MAST2: variants seen among roughly 807,000 people sequenced by gnomAD.
The protein encoded by MAST2 is microtubule-associated serine/threonine-protein kinase 2.
In MAST2, 70 loss-of-function variants were observed where a neutral mutation model predicts 147.4. That is an observed-to-expected ratio of 0.47 (90% CI 0.39 to 0.58). The LOEUF is 0.58. MAST2 is among the 20% of genes least tolerant of loss of function. MAST2 has a pLI of 0.00. For synonymous variants in MAST2, 869 were observed against 896.8 expected, an observed-to-expected ratio of 0.97 and a Z score of 0.55; for missense variants, 2,080 against 2,302.3, an observed-to-expected ratio of 0.90 and a Z score of 1.98.
At chr1:46,005,085 G>T (rs1021278809) in intron 7 of MAST2, among the ~76,000 whole-genome samples, 1 of 152,166 alleles carries the variant, frequency 6.6e-6, no homozygotes, top group Non-Finnish European at 1.5e-5. Context: ...CAAACAGGCT[G>T]GGCGCGGTGG....
chr1:45,915,317 T>C, intron 4 of MAST2, among the ~76,000 whole-genome samples: 1 of 152,194 alleles, frequency 6.6e-6, no homozygotes, highest in East Asian at 1.9e-4. Context: ...AGCTAATAAG[T>C]AGTTTGTATA....
intron 3 of MAST2, among the ~76,000 whole-genome samples, chr1:45,839,419 C>T (rs1270469155): frequency 1.3e-5 from 2 of 152,122 alleles, no homozygotes; most frequent in Non-Finnish European, 1.5e-5. Flanking sequence ...TGAGCCACCA[C>T]GCCCAGCAAC....
chr1:45,922,583 C>T (rs558812048), intron 4 of MAST2, among the ~76,000 whole-genome samples: 105 of 152,176 alleles, frequency 6.9e-4, no homozygotes, highest in African/African-American at 2.3e-3. Flanking sequence ...AACTTTGCTC[C>T]GAGGTTGGAG....
At chr1:45,830,885 A>G (rs887113023) in intron 3 of MAST2, among the ~76,000 whole-genome samples, 3 of 151,834 alleles carry the variant, frequency 2.0e-5, no homozygotes, top group Non-Finnish European at 4.4e-5. Flanking sequence ...ATAAAAAAAA[A>G]ATTAGCCGAG....
intron 5 of MAST2, among the ~76,000 whole-genome samples, chr1:45,965,292 C>T (rs1015037831): frequency 9.2e-5 from 14 of 152,218 alleles, no homozygotes; most frequent in East Asian, 3.9e-4. Context: ...TTCTGTCTCG[C>T]TGATCTGTCT....
At chr1:46,013,045 T>A (rs1341435060) in intron 10 of MAST2, among the ~76,000 whole-genome samples, 1 of 151,948 alleles carries the variant, frequency 6.6e-6, no homozygotes. Context: ...GTGGGTATCA[T>A]CCAATGTGAC....
chr1:45,933,086 A>AAG (rs1655585180), intron 4 of MAST2, among the ~76,000 whole-genome samples: 1 of 144,574 alleles, frequency 6.9e-6, no homozygotes, highest in Non-Finnish European at 1.5e-5. Flanking sequence ...AAAAAAAAAA[A>AAG]AAGGCCAAGT....
intron 4 of MAST2, among the ~76,000 whole-genome samples, chr1:45,950,848 G>A (rs953196107): frequency 2.0e-5 from 3 of 152,190 alleles, no homozygotes; most frequent in African/African-American, 7.2e-5. Context: ...TTGGATGGCT[G>A]AGGCGAGTGG....
intron 4 of MAST2, among the ~76,000 whole-genome samples, chr1:45,953,890 C>T (rs534793231): frequency 3.9e-5 from 6 of 152,068 alleles, no homozygotes; most frequent in South Asian, 2.1e-4. Context: ...ATAATGGATA[C>T]GTAATAATAT....
In MAST2 at chr1:46,035,321, A is replaced by C. The variant is rs1052610; in HGVS notation, c.4652A>C (p.Asp1551Ala). The change falls in exon 29 of 29, where the codon GAC (aspartate) becomes GCC (alanine). Residue 1551 changes from aspartate to alanine, a missense_variant. Asp to Ala is a moderately radical substitution (Grantham distance 126). This residue lies in a region of MAST2 where 1,278 missense variants were observed against 1,304.2 expected (regional missense o/e 0.98). Transcript: ENST00000361297. This position sits in a 1 kb window ranked among gnomAD's most constrained non-coding sequence, Gnocchi z 5.5. ...GAAGAGGATCCTTTCCCGTCCAGAGACCCTAGGAGCCTGGGCCCAATGGTC... is the reference window on the plus strand; with the variant it reads ...GAAGAGGATCCTTTCCCGTCCAGAGCCCCTAGGAGCCTGGGCCCAATGGTC... ...SGEEDPFPSR[D>A]PRSLGPMVPS... The C allele has an allele frequency of 6.2e-7, 1 of 1,613,460 alleles. No homozygotes were observed. Among genetic ancestry groups the C allele is most frequent in the Non-Finnish European group, 8.5e-7 (1 of 1,179,796 alleles).
At position 46,036,102 on chromosome 1, in the gene MAST2, A is replaced by G. The variant is rs369531716; in HGVS notation, c.*36A>G. ...CCATTTCTTGCACTCAGACCTGTGT[A>G]ATATATGCTCCTGGAAACCATCTTT... On this transcript the variant is annotated 3_prime_UTR_variant, in exon 29 of 29. Coordinates refer to ENST00000361297, the MANE Select transcript of MAST2 (RefSeq NM_015112.3). The G allele has an allele frequency of 2.1e-5, 32 of 1,537,970 alleles. No homozygotes were observed. Among genetic ancestry groups the G allele is most frequent in the Non-Finnish European group, 2.7e-5 (31 of 1,139,860 alleles).
chr1:46,027,842 C>G lies in MAST2; in HGVS notation c.2031C>G (p.Ala677=), dbSNP rs755440790. 6.2e-7 allele frequency: 1 copy of G among 1,614,000 alleles called. No homozygotes were observed. The highest frequency in any genetic ancestry group is 8.5e-7 in the Non-Finnish European group (1 of 1,179,978). The change falls in exon 17 of 29, where the codon GCC becomes GCG. Residue 677 remains alanine, a synonymous_variant. Transcript: ENST00000361297. The stretch of plus-strand genomic sequence containing the variant: ...ATGAGGGTCATATTGAAAAGGATGC[C>G]CGGGAATTCCTGGACAAGCAGGTAA... ...NLYEGHIEKD[A]REFLDKQVCG...
chr1:45,964,806 A>T (rs1168991839), intron 5 of MAST2, among the ~76,000 whole-genome samples: 1 of 151,676 alleles, frequency 6.6e-6, no homozygotes, highest in Non-Finnish European at 1.5e-5. Context: ...TTTAATTGTG[A>T]TGTTAGGGTG....
intron 22 of MAST2, 75 bp from the exon 23 acceptor site, chr1:46,030,930 CTT>C: frequency 6.5e-7 from 1 of 1,538,776 alleles, no homozygotes; most frequent in South Asian, 1.2e-5. Flanking sequence ...TACTATAACC[CTT>C]GTGTGCCCCT....
intron 4 of MAST2, among the ~76,000 whole-genome samples, chr1:45,928,591 T>C (rs1202096729): frequency 6.6e-6 from 1 of 151,898 alleles, no homozygotes; most frequent in Non-Finnish European, 1.5e-5. Context: ...CTTTTCTTTT[T>C]TTCCTTTTGA....
chr1:45,901,843 T>C (rs1270925892), intron 4 of MAST2, among the ~76,000 whole-genome samples: 4 of 152,260 alleles, frequency 2.6e-5, no homozygotes, highest in African/African-American at 4.8e-5. Context: ...CCTGAAACTT[T>C]ACTAAAATTG....
intron 1 of MAST2, among the ~76,000 whole-genome samples, chr1:45,804,477 T>G (rs1458968327): frequency 6.6e-6 from 1 of 152,164 alleles, no homozygotes; most frequent in African/African-American, 2.4e-5. Context: ...GTCCTTAAAA[T>G]TGTAAAAACG....
At chr1:45,878,215 A>AG (rs1314849155) in intron 3 of MAST2, among the ~76,000 whole-genome samples, 1 of 152,034 alleles carries the variant, frequency 6.6e-6, no homozygotes, top group African/African-American at 2.4e-5. Flanking sequence ...AAAAAAAAAA[A>AG]AAAAAAAAGT....
At chr1:45,806,359 G>A (rs910327304) in intron 1 of MAST2, among the ~76,000 whole-genome samples, 1 of 152,140 alleles carries the variant, frequency 6.6e-6, no homozygotes, top group Non-Finnish European at 1.5e-5. Flanking sequence ...TTTCATTGCT[G>A]TGTAATTTTC....
Sources: gnomAD v4.1 joint callset for allele counts (sites outside exome capture counted in the v4.1 genomes callset) on GRCh38, gnomAD v4.1.1 for gene constraint, gnomAD v4.1.1 regional missense constraint, Gnocchi (gnomAD v3.1) non-coding constraint, MANE v1.5 for transcripts, NCBI Gene and HGNC (gene_info 2026-07-23, HGNC 2026-07-21) for gene names.